Variants in CPEB2 observed in about 807,000 individuals in gnomAD.
CPEB2 encodes the protein cytoplasmic polyadenylation element-binding protein 2.
Under a neutral mutation model 93.6 loss-of-function variants are expected in CPEB2, and 56 were observed. That is an observed-to-expected ratio of 0.60 (90% confidence interval 0.48 to 0.75). The LOEUF (loss-of-function observed/expected upper bound fraction) is 0.75. CPEB2 is among the 30% of genes least tolerant of loss of function. The probability of loss-of-function intolerance (pLI) is 0.00; values close to 1 mark genes in which losing one functional copy is unlikely to be tolerated. For missense variants in CPEB2, 1,579 were observed against 1,395.1 expected (o/e 1.13, Z -2.10); for synonymous variants, 764 against 586.3 (o/e 1.30, Z -4.38).
chr4:15,062,170 T>C lies in CPEB2; in HGVS notation c.2787T>C (p.Ala929=). Residue 929 remains alanine, a synonymous_variant, in exon 11 of 12, where the codon GCT becomes GCC. Transcript: ENST00000538197. ...TDPELKYPKG[A]GRVAFSNQQS... is the part of the protein sequence containing the mutation. ...CTGAGCTAAAATACCCAAAAGGTGC[T>C]GGGCGAGTTGCTTTCTCCAATCAGC... The C allele has an allele frequency of 6.2e-7, 1 of 1,613,130 alleles. No homozygotes were observed. The highest frequency in any genetic ancestry group is 8.5e-7 in the Non-Finnish European group (1 of 1,179,396).
At chr4:15,065,945 TGA>T (rs1729666630) in intron 11 of CPEB2, among the ~76,000 whole-genome samples, 3 of 152,018 alleles carry the variant, frequency 2.0e-5, no homozygotes, top group South Asian at 2.1e-4. Context: ...TCAAGAAAGG[TGA>T]GAGTGGAATG....
chr4:15,047,425 A>G (rs1302719415), intron 6 of CPEB2, among the ~76,000 whole-genome samples: 1 of 151,898 alleles, frequency 6.6e-6, no homozygotes, highest in Non-Finnish European at 1.5e-5. Context: ...TATTTTTAAC[A>G]TTTTTCCACA....
In CPEB2 at chr4:15,002,608, G is replaced by A; in HGVS notation, c.-66G>A. The stretch of plus-strand genomic sequence containing the variant: ...TCCACCACGGCCGCGCAACCCCAGC[G>A]CCGGCGGCTTCCTAGGTGGGGCAGG... On this transcript the variant is annotated 5_prime_UTR_variant, in exon 1 of 12. Transcript: ENST00000538197. The A allele has an allele frequency of 7.4e-7, 1 of 1,345,788 alleles. No individual in the cohort carries two copies. Among genetic ancestry groups the A allele is most frequent in the Non-Finnish European group, 9.8e-7 (1 of 1,020,680 alleles). The allele number at this position is 1,345,788 out of a possible 1,614,324, so 83.4% of individuals were successfully genotyped here.
At chr4:15,061,933 T>C in intron 10 of CPEB2, 146 bp from the exon 11 acceptor site, 1 of 722,724 alleles carries the variant, frequency 1.4e-6, no homozygotes, top group Non-Finnish European at 2.2e-6. Context: ...ATCCCCGTCC[T>C]TTTTTAACAA....
At position 15,004,112 on chromosome 4, in the gene CPEB2, C is replaced by T. The variant is rs1364218128; in HGVS notation, c.1439C>T (p.Thr480Met). 3.2e-6 allele frequency: 5 copies of T among 1,550,060 alleles called. No individual in the cohort carries two copies. Among genetic ancestry groups the T allele is most frequent in the South Asian group, 1.2e-5 (1 of 84,400 alleles). ...PHGCTGLSVP[T>M]SGGGGGGFGG... The stretch of plus-strand genomic sequence containing the variant: ...GGCTGCACTGGGCTCAGCGTTCCGA[C>T]GAGCGGCGGCGGCGGCGGCGGCTTC... The change falls in exon 1 of 12, where the codon ACG becomes ATG. Residue 480 changes from threonine to methionine, a missense_variant. Physicochemically the swap from Thr to Met is moderately conservative, Grantham distance 81. Transcript: ENST00000538197.
At chr4:15,005,247 C>A (rs1443543782) in intron 1 of CPEB2, 4 of 152,244 alleles carry the variant, frequency 2.6e-5, no homozygotes, top group African/African-American at 9.6e-5. Flanking sequence ...ATGTTGGGGT[C>A]ATGTTTTGTG....
At chr4:15,020,395 G>A (rs1724675784) in intron 4 of CPEB2, among the ~76,000 whole-genome samples, 1 of 151,924 alleles carries the variant, frequency 6.6e-6, no homozygotes, top group African/African-American at 2.4e-5. Flanking sequence ...ACTGTCAATT[G>A]GAAGAAAGCA....
chr4:15,007,627 C>T (rs745841533), intron 2 of CPEB2, 41 bp downstream of exon 2: 1 of 1,330,864 alleles, frequency 7.5e-7, no homozygotes, highest in African/African-American at 1.5e-5. Context: ...TAATGTTAAT[C>T]TTTCAAAATA....
In CPEB2 at chr4:15,058,391, A is replaced by G. The variant is rs1728903386; in HGVS notation, c.2462-30A>G. Reference sequence around the variant, plus strand: ...TTGGAGTAAAATCACTTGGCTTGACATATTGCCTCATCTTTAATGGTTATT... The same window carrying G: ...TTGGAGTAAAATCACTTGGCTTGACGTATTGCCTCATCTTTAATGGTTATT... On this transcript the variant is annotated intron_variant, in intron 8 of 11. Transcript: ENST00000538197. 7.6e-6 allele frequency: 10 copies of G among 1,316,064 alleles called. No individual in the cohort carries two copies. In the East Asian group the frequency reaches 2.3e-4, roughly 30 times the overall value. The allele number at this position is 1,316,064 out of a possible 1,614,324, so 81.5% of individuals were successfully genotyped here.
chr4:15,032,371 T>C (rs575040411), intron 4 of CPEB2, among the ~76,000 whole-genome samples: 1 of 152,330 alleles, frequency 6.6e-6, no homozygotes, highest in African/African-American at 2.4e-5. Flanking sequence ...ATCCTTGCTA[T>C]TGGCATTTAT....
intron 5 of CPEB2, among the ~76,000 whole-genome samples, chr4:15,033,964 A>C (rs1726365541): frequency 1.3e-5 from 2 of 152,336 alleles, no homozygotes; most frequent in Middle Eastern, 3.4e-3. Flanking sequence ...CTTGTATTTC[A>C]ACTGAAGGTT....
rs1268005004 is a variant in CPEB2 at position 15,062,146 on chromosome 4, T to C, written c.2763T>C (p.Pro921=). The change falls in exon 11 of 12, where the codon CCT becomes CCC. Residue 921 remains proline (P), a synonymous_variant. Transcript: ENST00000538197. Reference sequence around the variant, plus strand: ...GTTATGCAGGAATTGATACAGATCCTGAGCTAAAATACCCAAAAGGTGCTG... The same window carrying C: ...GTTATGCAGGAATTGATACAGATCCCGAGCTAAAATACCCAAAAGGTGCTG... ...GVCYAGIDTD[P]ELKYPKGAGR... The C allele has an allele frequency of 6.2e-7, 1 of 1,612,826 alleles. No individual in the cohort carries two copies. The highest frequency in any genetic ancestry group is 8.5e-7 in the Non-Finnish European group (1 of 1,179,116).
intron 6 of CPEB2, among the ~76,000 whole-genome samples, chr4:15,051,226 T>C (rs1187786246): frequency 6.6e-6 from 1 of 152,182 alleles, no homozygotes; most frequent in Admixed American, 6.5e-5. Flanking sequence ...CCCTAATGCA[T>C]AGAAAAAGTT....
rs1277359976 is a variant in CPEB2 at position 15,033,181 on chromosome 4, C to G, written c.2146C>G (p.Pro716Ala). The change falls in exon 5 of 12, where the codon CCA (proline) becomes GCA (alanine). Residue 716 changes from proline to alanine, a missense_variant. By Grantham distance (27) the Pro-to-Ala change is conservative. This residue lies in a region of CPEB2 where 1,411 missense variants were observed against 1,056.0 expected (regional missense o/e 1.34). Transcript: ENST00000538197. ...TAAAGGTCGATTGAGCTATCCACAT[C>G]CAGGAACTGACAATCTGTTGATGTT... The part of the protein sequence containing the change: ...PLKGRLSYPH[P>A]GTDNLLMLNA... The G allele has an allele frequency of 6.2e-7, 1 of 1,603,572 alleles. No individual in the cohort carries two copies. The highest frequency in any genetic ancestry group is 1.1e-5 in the South Asian group (1 of 90,598).
intron 5 of CPEB2, among the ~76,000 whole-genome samples, chr4:15,037,192 A>C (rs943263921): frequency 2.0e-5 from 3 of 151,892 alleles, no homozygotes; most frequent in African/African-American, 7.3e-5. Flanking sequence ...AGTCCCAGCT[A>C]CTCGGGAGCT....
At chr4:15,065,117 T>C (rs1272136169) in intron 11 of CPEB2, among the ~76,000 whole-genome samples, 2 of 152,144 alleles carry the variant, frequency 1.3e-5, no homozygotes, top group East Asian at 3.9e-4. Flanking sequence ...ACAGTTCTTG[T>C]AATCAACTTT....
chr4:15,021,507 A>G (rs1724812560), intron 4 of CPEB2, among the ~76,000 whole-genome samples: 1 of 152,144 alleles, frequency 6.6e-6, no homozygotes, highest in Admixed American at 6.6e-5. Flanking sequence ...ATTTGTAAAA[A>G]GGCTTACTGT....
chr4:15,041,603 A>G (rs995655476), intron 6 of CPEB2, among the ~76,000 whole-genome samples: 1 of 152,074 alleles, frequency 6.6e-6, no homozygotes, highest in Non-Finnish European at 1.5e-5. Flanking sequence ...GAGTTTCTCC[A>G]TGTTGGCCCG....
Position 15,002,867 on chromosome 4 carries a change from TCTC to T in CPEB2, c.196_198del (p.Ser66del). 2.0e-6 allele frequency: 3 copies of T among 1,529,688 alleles called. No homozygotes were observed. Among genetic ancestry groups the T allele is most frequent in the Non-Finnish European group, 2.6e-6 (3 of 1,144,882 alleles). The allele number at this position is 1,529,688 out of a possible 1,614,324, so 94.8% of individuals were successfully genotyped here. A position where few individuals can be genotyped will look rare whatever the true frequency, so the allele number is the denominator to read the frequency against. Reference sequence around the variant, plus strand: ...GGCTTCTTAGAGGCCGCCTCCCCCTTCTCCGTCCCCCTCGGCGGCGGCGCGGGC... The same window carrying T: ...GGCTTCTTAGAGGCCGCCTCCCCCTTCGTCCCCCTCGGCGGCGGCGCGGGC... On this transcript the variant is annotated inframe_deletion, in exon 1 of 12. Coordinates refer to ENST00000538197, the MANE Select transcript of CPEB2 (RefSeq NM_001177382.2).
Sources: allele counts gnomAD v4.1 joint callset (sites outside exome capture counted in the v4.1 genomes callset), GRCh38; gene constraint gnomAD v4.1.1; regional missense constraint gnomAD v4.1.1; transcripts MANE v1.5; gene names NCBI Gene and HGNC (gene_info 2026-07-23, HGNC 2026-07-21).